Variants in NMUR1 observed in about 807,000 individuals in gnomAD.
NMUR1 encodes the protein neuromedin-U receptor 1.
Under a neutral mutation model 18.8 loss-of-function variants are expected in NMUR1, and 16 were observed. That is an observed-to-expected ratio of 0.85 (90% CI 0.58 to 1.29). The LOEUF (loss-of-function observed/expected upper bound fraction) is 1.29. NMUR1 is among the 50% of genes most tolerant of loss of function. The pLI, the probability that NMUR1 is intolerant of heterozygous loss-of-function variation, is 0.00. For missense variants in NMUR1, 529 were observed against 580.3 expected (o/e 0.91, Z 0.91); for synonymous variants, 258 against 258.2 (o/e 1.00, Z 0.01).
chr2:231,530,025 CCT>C (rs2047398956), intron 1 of NMUR1, among the ~76,000 whole-genome samples: 1 of 152,254 alleles, frequency 6.6e-6, no homozygotes, highest in Non-Finnish European at 1.5e-5. Context: ...GGTTCCCTCT[CCT>C]CTATTGAGCC....
Position 231,524,939 on chromosome 2 carries a change from T to G in NMUR1, c.*104A>C, listed in dbSNP as rs1383914761. 42 of 1,421,896 alleles carry G rather than the reference T, an allele frequency of 3.0e-5. No individual in the cohort carries two copies. The highest frequency in any genetic ancestry group is 3.8e-5 in the Non-Finnish European group (40 of 1,066,198). 88.1% of individuals were successfully genotyped at this position (1,421,896 alleles called of 1,614,324 possible). A position where few individuals can be genotyped will look rare whatever the true frequency, so the allele number is the denominator to read the frequency against. On this transcript the variant is annotated 3_prime_UTR_variant, in exon 3 of 3. Coordinates refer to ENST00000305141, the MANE Select transcript of NMUR1 (RefSeq NM_006056.5). ...GCTGGTCAGAATTTCTAGGCTGAAC[T>G]AGGGACAGTACGTGAAGGCATCCCT... is the stretch of plus-strand genomic sequence containing the variant.
At chr2:231,530,329 C>T in intron 1 of NMUR1, 30 bp downstream of exon 1, 1 of 1,497,454 alleles carries the variant, frequency 6.7e-7, no homozygotes, top group Non-Finnish European at 8.8e-7. Flanking sequence ...GCTGCCGCGC[C>T]CTAGCCCACG....
At position 231,528,292 on chromosome 2, in the gene NMUR1, G is replaced by A. The variant is rs2047377122; in HGVS notation, c.729C>T (p.Pro243=). The part of the protein sequence containing the change: ...QTTALLFFCL[P]MAIMSVLYLL... ...GGTAGAGCACGCTCATGATGGCCATGGGCAGGCAGAAGAAGAGCAGCGCGG... is the reference window on the plus strand; with the variant it reads ...GGTAGAGCACGCTCATGATGGCCATAGGCAGGCAGAAGAAGAGCAGCGCGG... The change falls in exon 2 of 3, where the codon CCC becomes CCT. Residue 243 remains proline (P), a synonymous_variant. Coordinates refer to ENST00000305141, the MANE Select transcript of NMUR1 (RefSeq NM_006056.5). 3.7e-6 allele frequency: 6 copies of A among 1,613,620 alleles called. No homozygotes were observed. Among genetic ancestry groups the A allele is most frequent in the Non-Finnish European group, 5.1e-6 (6 of 1,179,604 alleles).
downstream of NMUR1, among the ~76,000 whole-genome samples, chr2:231,520,331 C>T (rs145154198): frequency 3.7e-4 from 56 of 152,346 alleles, no homozygotes; most frequent in Admixed American, 7.2e-4. Flanking sequence ...ATACTGCTGT[C>T]AGTGCTGCTG....
downstream of NMUR1, among the ~76,000 whole-genome samples, chr2:231,522,481 C>T (rs138786308): frequency 6.6e-6 from 1 of 152,070 alleles, no homozygotes; most frequent in African/African-American, 2.4e-5. Context: ...GCATCTCCCC[C>T]TCCCACCCCA....
At chr2:231,522,704 G>A (rs1309406432), downstream of NMUR1, among the ~76,000 whole-genome samples, 1 of 149,512 alleles carries the variant, frequency 6.7e-6, no homozygotes, top group African/African-American at 2.5e-5. Flanking sequence ...GCCCCCCACT[G>A]AGGAAACCAC....
Position 231,530,396 on chromosome 2 carries a change from C to T in NMUR1, c.-35G>A. 6.8e-7 allele frequency: 1 copy of T among 1,480,446 alleles called. No homozygotes were observed. Among genetic ancestry groups the T allele is most frequent in the Non-Finnish European group, 8.9e-7 (1 of 1,122,790 alleles). 91.7% of individuals were successfully genotyped at this position (1,480,446 alleles called of 1,614,324 possible). On this transcript the variant is annotated 5_prime_UTR_variant, in exon 1 of 3. Transcript: ENST00000305141. ...GGCCCGCGAGACCCCGGCTTCCACC[C>T]TCCGAGCGACGGACACAGACGCGGC... is the stretch of plus-strand genomic sequence containing the variant.
chr2:231,522,150 TTGTG>T (rs1279154973), downstream of NMUR1, among the ~76,000 whole-genome samples: 1 of 151,650 alleles, frequency 6.6e-6, no homozygotes, highest in Non-Finnish European at 1.5e-5. Flanking sequence ...TGGCTACTTT[TTGTG>T]TGTGTGTATT....
rs1285244408 is a variant in NMUR1 at position 231,523,806 on chromosome 2, A to T, written c.*1237T>A. The T allele has an allele frequency of 1.3e-5, 2 of 152,726 alleles. No homozygotes were observed. Among genetic ancestry groups the T allele is most frequent in the African/African-American group, 4.8e-5 (2 of 41,460 alleles). 9.5% of individuals were successfully genotyped at this position (152,726 alleles called of 1,614,324 possible). A position where few individuals can be genotyped will look rare whatever the true frequency, so the allele number is the denominator to read the frequency against. On this transcript the variant is annotated 3_prime_UTR_variant, in exon 3 of 3. Transcript: ENST00000305141. ...AGAATGGGGCTCAGTTTCAAGGACTACTTGTCCCTGTCCCTCTTCTCACTG... is the reference window on the plus strand; with the variant it reads ...AGAATGGGGCTCAGTTTCAAGGACTTCTTGTCCCTGTCCCTCTTCTCACTG...
At chr2:231,529,113 T>C in intron 1 of NMUR1, 96 bp from the exon 2 acceptor site, 1 of 1,209,672 alleles carries the variant, frequency 8.3e-7, no homozygotes, top group Non-Finnish European at 1.1e-6. Context: ...AGCGCTATGA[T>C]GACCATTATT....
intron 2 of NMUR1, among the ~76,000 whole-genome samples, chr2:231,526,206 G>A (rs1384717687): frequency 6.6e-6 from 1 of 152,142 alleles, no homozygotes; most frequent in Non-Finnish European, 1.5e-5. Context: ...TCTGCCACAG[G>A]GTCAGCTGTG....
chr2:231,525,409 C>T lies in NMUR1; in HGVS notation c.915G>A (p.Val305=), dbSNP rs2047346649. 1 of 1,610,926 alleles carries T rather than the reference C, an allele frequency of 6.2e-7. No individual in the cohort carries two copies. Among genetic ancestry groups the T allele is most frequent in the African/African-American group, 1.3e-5 (1 of 74,920 alleles). ...VTKMLFVLVV[V]FGICWAPFHA... ...GGAACGGGGCCCAGCAGATGCCAAA[C>T]ACCACGACCAGGACAACTGCAGGGA... Residue 305 remains valine, a synonymous_variant, in exon 3 of 3, where the codon GTG becomes GTA. Coordinates refer to ENST00000305141, the MANE Select transcript of NMUR1 (RefSeq NM_006056.5).
downstream of NMUR1, among the ~76,000 whole-genome samples, chr2:231,519,672 AC>A: frequency 6.6e-6 from 1 of 152,322 alleles, no homozygotes. Flanking sequence ...ACCAGGAGTC[AC>A]AGCTGGGCAG....
At position 231,528,447 on chromosome 2, in the gene NMUR1, A is replaced by C; in HGVS notation, c.574T>G (p.Cys192Gly). Reference sequence around the variant, plus strand: ...TGCAGGCTGGTGTTGGGCAGGGAGCAGAGCATGGCAAGACCCCAGACGGCC... The same window carrying C: ...TGCAGGCTGGTGTTGGGCAGGGAGCCGAGCATGGCAAGACCCCAGACGGCC... The part of the protein sequence containing the change: ...LGAVWGLAML[C>G]SLPNTSLHGI... Residue 192 changes from cysteine (C) to glycine (G), a missense_variant, in exon 2 of 3, where the codon TGC (cysteine) becomes GGC (glycine). Transcript: ENST00000305141. 1 of 1,613,680 alleles carries C rather than the reference A, an allele frequency of 6.2e-7. No homozygotes were observed. The highest frequency in any genetic ancestry group is 1.6e-4 in the Middle Eastern group (1 of 6,062).
At chr2:231,529,278 G>T (rs1050238505) in intron 1 of NMUR1, among the ~76,000 whole-genome samples, 1 of 152,114 alleles carries the variant, frequency 6.6e-6, no homozygotes, top group Non-Finnish European at 1.5e-5. Context: ...TGGCCAATAT[G>T]GTGAAACCCC....
In NMUR1 at chr2:231,527,985, C is replaced by T. The variant is rs904575131; in HGVS notation, c.898+138G>A. On this transcript the variant is annotated intron_variant, in intron 2 of 2. Transcript: ENST00000305141. ...GGAGTGCAACTCAGACACACACACA[C>T]ACACACACACACACGAGACTAGAGG... 2.8e-4 allele frequency: 239 copies of T among 854,462 alleles called. 2 individuals carry two copies. In the African/African-American group the frequency reaches 3.7e-3, roughly 13 times the overall value. The allele number at this position is 854,462 out of a possible 1,614,324, so 52.9% of individuals were successfully genotyped here.
At chr2:231,527,482 A>T (rs2047367649) in intron 2 of NMUR1, among the ~76,000 whole-genome samples, 1 of 152,114 alleles carries the variant, frequency 6.6e-6, no homozygotes, top group South Asian at 2.1e-4. Flanking sequence ...GTCTCTACAA[A>T]AATGAAAAAA....
At position 231,524,851 on chromosome 2, in the gene NMUR1, G is replaced by A. The variant is rs994165274; in HGVS notation, c.*192C>T. 7.8e-6 allele frequency: 5 copies of A among 643,114 alleles called. No homozygotes were observed. Among genetic ancestry groups the A allele is most frequent in the East Asian group, 5.7e-5 (2 of 34,888 alleles). The allele number at this position is 643,114 out of a possible 1,614,324, so 39.8% of individuals were successfully genotyped here. A position where few individuals can be genotyped will look rare whatever the true frequency, so the allele number is the denominator to read the frequency against. ...AAGCACAAGGTGTGGCGTCTGGTCA[G>A]TGTGAGTCCTCAGCAGTCAGGGATC... On this transcript the variant is annotated 3_prime_UTR_variant, in exon 3 of 3. Coordinates refer to ENST00000305141, the MANE Select transcript of NMUR1 (RefSeq NM_006056.5).
rs2125663710 is a variant in NMUR1, at chr2:231,525,534, C to A, written c.899-109G>T. On this transcript the variant is annotated intron_variant, in intron 2 of 2. Transcript: ENST00000305141. ...TCACATCCTCTCCTATCCCACAGGC[C>A]ACCCTCACCTATCACCCAGGTGGAA... The A allele has an allele frequency of 4.9e-6, 6 of 1,233,906 alleles. No homozygotes were observed. The East Asian group carries it at 1.5e-4, about 31-fold the overall frequency. 76.4% of individuals were successfully genotyped at this position (1,233,906 alleles called of 1,614,324 possible).
Sources: gnomAD v4.1 joint callset for allele counts (sites outside exome capture counted in the v4.1 genomes callset) on GRCh38, gnomAD v4.1.1 for gene constraint, MANE v1.5 for transcripts, NCBI Gene and HGNC (gene_info 2026-07-23, HGNC 2026-07-21) for gene names.